Variants in YES1 observed in about 807,000 individuals in gnomAD.
YES1 encodes tyrosine-protein kinase Yes.
Under a neutral mutation model 70.4 loss-of-function variants are expected in YES1, and 39 were observed. The observed-to-expected ratio is 0.55, with a 90% CI of 0.43 to 0.72. YES1 has a LOEUF of 0.72. Ranked by LOEUF, YES1 falls within the 30% of genes least tolerant of loss-of-function variation. The probability of loss-of-function intolerance (pLI) is 0.00; values close to 1 mark genes in which losing one functional copy is unlikely to be tolerated. For missense variants in YES1, 495 were observed against 644.8 expected, an observed-to-expected ratio of 0.77 and a Z score of 2.52; for synonymous variants, 198 against 218.6, an observed-to-expected ratio of 0.91 and a Z score of 0.83.
intron 10 of YES1, among the ~76,000 whole-genome samples, chr18:735,170 A>AAAAAAAAAAAAAAAAAAAAAAAAC: frequency 1.3e-5 from 2 of 151,842 alleles, no homozygotes; most frequent in African/African-American, 2.4e-5. Flanking sequence ...GCAAAAAAAA[A>AAAAAAAAAAAAAAAAAAAAAAAAC]AAAATCATTA....
intron 11 of YES1, among the ~76,000 whole-genome samples, chr18:726,781 CAAAAAAAAAAAAA>C (rs58322434): frequency 2.1e-4 from 10 of 47,254 alleles, no homozygotes; most frequent in African/African-American, 7.9e-4. Context: ...ACTCTTGTCT[CAAAAAAAAAAAAA>C]AAAAAAAAAA....
At chr18:789,158 A>G (rs1906113372) in intron 1 of YES1, among the ~76,000 whole-genome samples, 1 of 152,228 alleles carries the variant, frequency 6.6e-6, no homozygotes, top group South Asian at 2.1e-4. Context: ...ATAACAGAAC[A>G]TATGCTATAA....
chr18:771,901 A>G (rs1475474066), intron 1 of YES1, among the ~76,000 whole-genome samples: 5 of 152,124 alleles, frequency 3.3e-5, no homozygotes, highest in Non-Finnish European at 5.9e-5. Flanking sequence ...ACTCAGCTTA[A>G]CGTTGGGCTC....
intron 2 of YES1, among the ~76,000 whole-genome samples, chr18:754,904 C>A (rs2080386120): frequency 6.6e-6 from 1 of 152,124 alleles, no homozygotes; most frequent in African/African-American, 2.4e-5. Context: ...TCCATCAGAA[C>A]AGAAACTTTG....
intron 1 of YES1, among the ~76,000 whole-genome samples, chr18:763,245 G>A (rs189341648): frequency 1.3e-5 from 2 of 152,248 alleles, no homozygotes; most frequent in African/African-American, 4.8e-5. Context: ...TTTCTCCAGG[G>A]AGCATTAGGA....
At chr18:807,454 G>C (rs1048793677) in intron 1 of YES1, among the ~76,000 whole-genome samples, 1 of 152,122 alleles carries the variant, frequency 6.6e-6, no homozygotes, top group African/African-American at 2.4e-5. Flanking sequence ...AGCTGTGACT[G>C]CACCACTGCA....
chr18:773,568 G>A (rs2145783039), intron 1 of YES1, among the ~76,000 whole-genome samples: 1 of 152,272 alleles, frequency 6.6e-6, no homozygotes, highest in South Asian at 2.1e-4. Flanking sequence ...AGGAAAGACA[G>A]ACACCAAGAA....
At chr18:812,019 G>GGGGGCGGGGAACC (rs1167559044) in intron 1 of YES1, 95 bp downstream of exon 1, 12 of 54,896 alleles carry the variant, frequency 2.2e-4, no homozygotes, top group African/African-American at 3.3e-4. Flanking sequence ...GGGGAACCGC[G>GGGGGCGGGGAACC]GCGGCGGCGG....
At chr18:777,043 T>C (rs1905421110) in intron 1 of YES1, among the ~76,000 whole-genome samples, 2 of 152,202 alleles carry the variant, frequency 1.3e-5, no homozygotes, top group Admixed American at 1.3e-4. Context: ...AATTATTAAT[T>C]TTTTTCATTC....
chr18:745,617 T>A, intron 6 of YES1, 91 bp downstream of exon 6: 1 of 1,226,684 alleles, frequency 8.2e-7, no homozygotes, highest in South Asian at 1.5e-5. Flanking sequence ...TAAATAAGTG[T>A]GTTAAATCTT....
At chr18:773,300 C>T (rs1905235360) in intron 1 of YES1, among the ~76,000 whole-genome samples, 1 of 152,198 alleles carries the variant, frequency 6.6e-6, no homozygotes, top group Non-Finnish European at 1.5e-5. Flanking sequence ...GACAGCTTTA[C>T]TTTGTTCCCT....
intron 1 of YES1, among the ~76,000 whole-genome samples, chr18:774,836 C>G (rs558081016): frequency 6.6e-6 from 1 of 152,158 alleles, no homozygotes; most frequent in Non-Finnish European, 1.5e-5. Context: ...AAAGTCAAAG[C>G]CAAAGTTCCT....
At chr18:740,670 T>C (rs554733658) in intron 8 of YES1, among the ~76,000 whole-genome samples, 2 of 152,270 alleles carry the variant, frequency 1.3e-5, no homozygotes, top group East Asian at 3.9e-4. Flanking sequence ...AAGTGCTAAG[T>C]GAATACCAAA....
chr18:729,823 T>C (rs2080067135), intron 11 of YES1, among the ~76,000 whole-genome samples: 1 of 152,136 alleles, frequency 6.6e-6, no homozygotes, highest in South Asian at 2.1e-4. Flanking sequence ...GATGGGGTTT[T>C]ACCATCTTGG....
intron 1 of YES1, among the ~76,000 whole-genome samples, chr18:806,932 A>G (rs1278806588): frequency 6.6e-6 from 1 of 152,210 alleles, no homozygotes; most frequent in Non-Finnish European, 1.5e-5. Context: ...AGATAAGTCA[A>G]AGGAATATCT....
At chr18:782,946 T>C (rs1905749010) in intron 1 of YES1, among the ~76,000 whole-genome samples, 1 of 152,240 alleles carries the variant, frequency 6.6e-6, no homozygotes, top group African/African-American at 2.4e-5. Flanking sequence ...CCTCCCGAAG[T>C]GCTGCGATTA....
intron 1 of YES1, among the ~76,000 whole-genome samples, chr18:757,346 G>A (rs8089584): frequency 0.021 from 3,230 of 151,578 alleles, 104 homozygotes; most frequent in African/African-American, 0.063. Context: ...TACTAAAAAT[G>A]CAAAAAATTA....
intron 10 of YES1, among the ~76,000 whole-genome samples, chr18:734,481 G>C (rs532339709): frequency 6.6e-6 from 1 of 151,802 alleles, no homozygotes; most frequent in Non-Finnish European, 1.5e-5. Flanking sequence ...GCGAGAACCC[G>C]GGAGGCAGAG....
At chr18:761,342 CATTA>C (rs1230125290) in intron 1 of YES1, among the ~76,000 whole-genome samples, 1 of 151,834 alleles carries the variant, frequency 6.6e-6, no homozygotes, top group African/African-American at 2.4e-5. Context: ...AAGAAAACAG[CATTA>C]ATTATTACAT....
Sources: allele counts gnomAD v4.1 joint callset (sites outside exome capture counted in the v4.1 genomes callset), GRCh38; gene constraint gnomAD v4.1.1; transcripts MANE v1.5; gene names NCBI Gene and HGNC (gene_info 2026-07-23, HGNC 2026-07-21).